SUGCT: variants seen among roughly 807,000 people sequenced by gnomAD.
SUGCT encodes the protein succinyl-CoA:glutarate CoA-transferase.
Under a neutral mutation model 55.0 loss-of-function variants are expected in SUGCT, and 41 were observed. That is an observed-to-expected ratio of 0.74 (90% CI 0.58 to 0.97). The LOEUF (loss-of-function observed/expected upper bound fraction) is 0.97, where lower values mean the gene tolerates loss of function less well. Among genes scored for constraint, SUGCT ranks in the 50% least tolerant of loss-of-function variants. The probability of loss-of-function intolerance (pLI) is 0.00; values close to 1 mark genes in which losing one functional copy is unlikely to be tolerated. For missense variants in SUGCT, 568 were observed against 547.8 expected (o/e 1.04, Z -0.37); for synonymous variants, 187 against 200.4 (o/e 0.93, Z 0.56).
chr7:40,652,719 C>A lies in SUGCT; in HGVS notation c.1090-96715C>A, dbSNP rs183978529. ...AATTGCACTGGTTGCTTCCACCAAA[C>A]ATTATTTTGAAAGAAAAATCTGTAT... On this transcript the variant is annotated intron_variant, in intron 12 of 13. Transcript: ENST00000335693. 3.3e-3 allele frequency among the ~76,000 whole-genome samples: 509 copies of A among 152,310 alleles called. 3 individuals are homozygous for A. Among genetic ancestry groups the A allele is most frequent in the African/African-American group, 0.012 (486 of 41,570 alleles).
chr7:40,660,056 G>A (rs1801227923), intron 12 of SUGCT, among the ~76,000 whole-genome samples: 3 of 152,280 alleles, frequency 2.0e-5, no homozygotes, highest in African/African-American at 7.2e-5. Flanking sequence ...AGTGACAGCT[G>A]CTATAACAAA....
chr7:40,928,889 C>G, the SUGCT span, among the ~76,000 whole-genome samples: 1 of 151,996 alleles, frequency 6.6e-6, no homozygotes, highest in Non-Finnish European at 1.5e-5. Flanking sequence ...ATGAGCCACC[C>G]TGCCCGGCAA....
intron 12 of SUGCT, among the ~76,000 whole-genome samples, chr7:40,747,066 C>T (rs534961349): frequency 3.3e-5 from 5 of 152,250 alleles, no homozygotes; most frequent in African/African-American, 7.2e-5. Flanking sequence ...CTGTGCGGGG[C>T]GGGTGCTGAG....
At chr7:40,515,134 A>C (rs1409388977) in intron 12 of SUGCT, among the ~76,000 whole-genome samples, 2 of 152,138 alleles carry the variant, frequency 1.3e-5, no homozygotes, top group Non-Finnish European at 2.9e-5. Context: ...CCACAATCAA[A>C]ACACGGAGCT....
chr7:40,969,545 G>A, the SUGCT span, among the ~76,000 whole-genome samples: 30 of 151,976 alleles, frequency 2.0e-4, no homozygotes, highest in South Asian at 4.2e-4. Context: ...TTGTACTGAC[G>A]GGGGTCCCAC....
chr7:40,375,451 A>G (rs932044502), intron 9 of SUGCT, among the ~76,000 whole-genome samples: 1 of 152,188 alleles, frequency 6.6e-6, no homozygotes, highest in Non-Finnish European at 1.5e-5. Context: ...TAAAAAAATT[A>G]TCATATCAAG....
At position 40,272,164 on chromosome 7, in the gene SUGCT, A is replaced by G. The variant is rs1473878043; in HGVS notation, c.577-2349A>G. On this transcript the variant is annotated intron_variant, in intron 7 of 13. Coordinates refer to ENST00000335693, the MANE Select transcript of SUGCT (RefSeq NM_001193313.2). ...GACATATATATATATATATATATAT[A>G]TATATATATATATATATATATATAT... is the stretch of plus-strand genomic sequence containing the variant. Among the ~76,000 whole-genome samples, 26 of 78,960 alleles carry G rather than the reference A, an allele frequency of 3.3e-4. 1 individual carries two copies. Among genetic ancestry groups the G allele is most frequent in the Non-Finnish European group, 3.9e-4 (18 of 45,610 alleles). 51.8% of individuals were successfully genotyped at this position (78,960 alleles called of 152,430 possible). A position where few individuals can be genotyped will look rare whatever the true frequency, so the allele number is the denominator to read the frequency against.
At chr7:40,738,963 G>A (rs1319527365) in intron 12 of SUGCT, among the ~76,000 whole-genome samples, 3 of 151,950 alleles carry the variant, frequency 2.0e-5, no homozygotes, top group Admixed American at 6.6e-5. Context: ...TATATTTCTA[G>A]CTGAGAAAAT....
intron 12 of SUGCT, among the ~76,000 whole-genome samples, chr7:40,664,752 G>A (rs1054832306): frequency 2.6e-5 from 4 of 152,108 alleles, no homozygotes; most frequent in South Asian, 2.1e-4. Context: ...AGGCCGAGGC[G>A]GGCAGATCAC....
chr7:40,194,796 C>A, intron 5 of SUGCT, 144 bp from the exon 6 acceptor site: 1 of 955,568 alleles, frequency 1.0e-6, no homozygotes, highest in Non-Finnish European at 1.5e-6. Context: ...TTGACTAGAA[C>A]TTCTATGTTT....
intron 7 of SUGCT, among the ~76,000 whole-genome samples, chr7:40,257,202 C>G (rs947093796): frequency 6.6e-6 from 1 of 152,154 alleles, no homozygotes; most frequent in African/African-American, 2.4e-5. Context: ...TGCCACCACA[C>G]TTGGCAAATT....
the SUGCT span, among the ~76,000 whole-genome samples, chr7:40,882,869 T>A: frequency 6.6e-6 from 1 of 152,168 alleles, no homozygotes; most frequent in South Asian, 2.1e-4. Context: ...CCTTGGTTAT[T>A]TCTCAGAATT....
At chr7:40,202,920 A>G (rs1051097087) in intron 6 of SUGCT, among the ~76,000 whole-genome samples, 4 of 152,174 alleles carry the variant, frequency 2.6e-5, no homozygotes, top group African/African-American at 9.7e-5. Context: ...GCAGGTGTAC[A>G]GTTTATTCCG....
chr7:40,828,257 A>G (rs1345920490), intron 13 of SUGCT, among the ~76,000 whole-genome samples: 2 of 152,192 alleles, frequency 1.3e-5, no homozygotes, highest in Non-Finnish European at 2.9e-5. Flanking sequence ...CAGAACCTCT[A>G]TCCCCAACCC....
At chr7:40,512,506 G>A (rs942170292) in intron 12 of SUGCT, among the ~76,000 whole-genome samples, 5 of 152,088 alleles carry the variant, frequency 3.3e-5, no homozygotes, top group African/African-American at 4.8e-5. Flanking sequence ...GGGCTCTGTC[G>A]TTTACTCAGT....
In SUGCT at chr7:40,515,473, C is replaced by A. The variant is rs576065181; in HGVS notation, c.1089+19087C>A. On this transcript the variant is annotated intron_variant, in intron 12 of 13. Coordinates refer to ENST00000335693, the MANE Select transcript of SUGCT (RefSeq NM_001193313.2). ...AAAGAAACACCATTGGCAGTCGCAC[C>A]CTTCTTCCCTCCCCTTATCGCTGGT... Among the ~76,000 whole-genome samples, 3 of 152,270 alleles carry A rather than the reference C, an allele frequency of 2.0e-5. No homozygotes were observed. In the South Asian group the frequency reaches 6.2e-4, roughly 32 times the overall value.
chr7:40,414,216 A>G (rs948839005), intron 9 of SUGCT, among the ~76,000 whole-genome samples: 3 of 152,184 alleles, frequency 2.0e-5, no homozygotes, highest in Non-Finnish European at 4.4e-5. Context: ...CCCACAAGCA[A>G]ATGTGGTCTG....
At chr7:40,155,406 C>G (rs1783838279) in intron 1 of SUGCT, among the ~76,000 whole-genome samples, 1 of 150,908 alleles carries the variant, frequency 6.6e-6, no homozygotes, top group South Asian at 2.1e-4. Context: ...TGGGATGATG[C>G]ATGTGAGCTT....
At chr7:40,654,455 G>A (rs944700226) in intron 12 of SUGCT, among the ~76,000 whole-genome samples, 2 of 152,092 alleles carry the variant, frequency 1.3e-5, no homozygotes, top group African/African-American at 2.4e-5. Context: ...AAGCTCCTCC[G>A]GTACCAGAAA....
Sources: allele counts gnomAD v4.1 joint callset (sites outside exome capture counted in the v4.1 genomes callset), GRCh38; gene constraint gnomAD v4.1.1; transcripts MANE v1.5; gene names NCBI Gene and HGNC (gene_info 2026-07-23, HGNC 2026-07-21).